Variants in KCNMA1 observed in about 807,000 individuals in gnomAD.
KCNMA1 encodes potassium calcium-activated channel subfamily M alpha 1, also known as Calcium-activated potassium channel subunit alpha-1.
Under a neutral mutation model 140.0 loss-of-function variants are expected in KCNMA1, and 29 were observed. That is an observed-to-expected ratio of 0.21 (90% CI 0.15 to 0.28). The LOEUF (loss-of-function observed/expected upper bound fraction) is 0.28, where lower values mean the gene tolerates loss of function less well. Among genes scored for constraint, KCNMA1 ranks in the 10% least tolerant of loss-of-function variants. KCNMA1 has a pLI of 1.00. For missense variants in KCNMA1, 880 were observed against 1,602.2 expected (o/e 0.55, Z 7.70); for synonymous variants, 612 against 611.9 (o/e 1.00, Z 0.00).
At chr10:77,240,141 C>T (rs1016950004) in intron 3 of KCNMA1, among the ~76,000 whole-genome samples, 2 of 152,140 alleles carry the variant, frequency 1.3e-5, no homozygotes, top group Admixed American at 1.3e-4. Context: ...TGTTCACTTC[C>T]ATTTATGTCC....
intron 1 of KCNMA1, among the ~76,000 whole-genome samples, chr10:77,628,886 T>G (rs2092855159): frequency 6.6e-6 from 1 of 151,948 alleles, no homozygotes; most frequent in African/African-American, 2.4e-5. Flanking sequence ...AAAGAAAGGA[T>G]GGAGCAAGAG....
intron 1 of KCNMA1, among the ~76,000 whole-genome samples, chr10:77,554,034 T>C (rs1465843262): frequency 6.6e-6 from 1 of 152,004 alleles, no homozygotes; most frequent in African/African-American, 2.4e-5. Flanking sequence ...AGCTCAGATG[T>C]AGGCCACTGG....
At chr10:77,281,715 T>C (rs2068661162) in intron 2 of KCNMA1, among the ~76,000 whole-genome samples, 1 of 152,200 alleles carries the variant, frequency 6.6e-6, no homozygotes, top group Admixed American at 6.5e-5. Flanking sequence ...TAAAAAGGAA[T>C]GAACTACTGA....
chr10:77,184,775 A>G (rs200251657), intron 4 of KCNMA1, 48 bp downstream of exon 4: 3 of 1,181,446 alleles, frequency 2.5e-6, no homozygotes, highest in Non-Finnish European at 3.8e-6. Flanking sequence ...CCTGGGTCCC[A>G]GACTGAAACA....
intron 9 of KCNMA1, among the ~76,000 whole-genome samples, chr10:77,106,213 A>AC (rs1323120299): frequency 6.6e-6 from 1 of 152,072 alleles, no homozygotes; most frequent in African/African-American, 2.4e-5. Flanking sequence ...AACAGTGGGG[A>AC]CCCAAAAAGA....
At chr10:77,488,911 C>A (rs1462682152) in intron 1 of KCNMA1, among the ~76,000 whole-genome samples, 1 of 152,222 alleles carries the variant, frequency 6.6e-6, no homozygotes, top group African/African-American at 2.4e-5. Context: ...ACAGTTTGGC[C>A]AACCTCTCAA....
intron 2 of KCNMA1, among the ~76,000 whole-genome samples, chr10:77,314,641 T>C (rs138481878): frequency 2.0e-5 from 3 of 152,212 alleles, no homozygotes; most frequent in Admixed American, 6.5e-5. Flanking sequence ...CCCTGGTGTG[T>C]GGCATGAAGA....
At chr10:77,004,984 G>T (rs2153426048) in intron 18 of KCNMA1, among the ~76,000 whole-genome samples, 1 of 152,238 alleles carries the variant, frequency 6.6e-6, no homozygotes, top group Non-Finnish European at 1.5e-5. Context: ...CTACTCCCTG[G>T]CCACACAAAG....
chr10:77,129,028 A>G (rs1221223407), intron 5 of KCNMA1, among the ~76,000 whole-genome samples: 2 of 152,238 alleles, frequency 1.3e-5, no homozygotes, highest in Non-Finnish European at 2.9e-5. Flanking sequence ...TTAAAGCAAT[A>G]CTGAGGCCTG....
At chr10:77,276,067 T>C (rs1399537986) in intron 2 of KCNMA1, among the ~76,000 whole-genome samples, 1 of 152,186 alleles carries the variant, frequency 6.6e-6, no homozygotes, top group Non-Finnish European at 1.5e-5. Flanking sequence ...CTTAATTCCC[T>C]AAGCTGAGTC....
intron 16 of KCNMA1, chr10:77,025,593 A>G (rs1415799326): frequency 1.9e-5 from 13 of 692,604 alleles, no homozygotes; most frequent in Non-Finnish European, 3.3e-5. Flanking sequence ...TTTTTGGCAA[A>G]GCATGAAAAC....
At chr10:77,371,036 A>G (rs769532314) in intron 2 of KCNMA1, among the ~76,000 whole-genome samples, 4 of 152,170 alleles carry the variant, frequency 2.6e-5, no homozygotes, top group Non-Finnish European at 4.4e-5. Flanking sequence ...AGTGCACTTG[A>G]ACCACAGGTT....
At chr10:77,536,338 C>T (rs1024355688) in intron 1 of KCNMA1, among the ~76,000 whole-genome samples, 1 of 152,180 alleles carries the variant, frequency 6.6e-6, no homozygotes, top group Admixed American at 6.5e-5. Flanking sequence ...ACGCCAGCAT[C>T]CTTCTTGTTA....
intron 2 of KCNMA1, among the ~76,000 whole-genome samples, chr10:77,382,992 GTGTATATATATA>G (rs1312604099): frequency 7.4e-4 from 33 of 44,482 alleles, no homozygotes; most frequent in African/African-American, 4.1e-3. Flanking sequence ...GTGTGTGTGT[GTGTATATATATA>G]TATATATATA....
intron 2 of KCNMA1, among the ~76,000 whole-genome samples, chr10:77,346,912 GC>G (rs1463964799): frequency 6.6e-6 from 1 of 152,172 alleles, no homozygotes; most frequent in African/African-American, 2.4e-5. Context: ...TTGCCCGACT[GC>G]CCTGCTGACC....
intron 23 of KCNMA1, among the ~76,000 whole-genome samples, chr10:76,940,960 C>CAAAA (rs1554960217): frequency 3.4e-5 from 4 of 118,152 alleles, no homozygotes; most frequent in South Asian, 3.0e-4. Flanking sequence ...GACTCTACCT[C>CAAAA]GAAAGAAAGA....
chr10:77,539,465 A>G (rs548201190), intron 1 of KCNMA1, among the ~76,000 whole-genome samples: 33 of 152,356 alleles, frequency 2.2e-4, no homozygotes, highest in African/African-American at 7.9e-4. Flanking sequence ...GAGGTGAGGC[A>G]GAATTGAGCT....
intron 23 of KCNMA1, among the ~76,000 whole-genome samples, chr10:76,926,570 G>A (rs939178412): frequency 6.6e-6 from 1 of 152,114 alleles, no homozygotes; most frequent in African/African-American, 2.4e-5. Context: ...GAATGTAGAA[G>A]GATTCAATGT....
At chr10:77,254,540 T>C (rs1271927726) in intron 2 of KCNMA1, among the ~76,000 whole-genome samples, 1 of 152,148 alleles carries the variant, frequency 6.6e-6, no homozygotes, top group African/African-American at 2.4e-5. Flanking sequence ...CTCTTTTTTA[T>C]AGAGTCATTC....
Sources: gnomAD v4.1 joint callset for allele counts (sites outside exome capture counted in the v4.1 genomes callset) on GRCh38, gnomAD v4.1.1 for gene constraint, MANE v1.5 for transcripts, NCBI Gene and HGNC (gene_info 2026-07-23, HGNC 2026-07-21) for gene names.